Variants in KCNN2 observed in about 807,000 individuals in gnomAD.
KCNN2 encodes small conductance calcium-activated potassium channel protein 2.
Under a neutral mutation model 55.5 loss-of-function variants are expected in KCNN2, and 24 were observed. The observed-to-expected ratio is 0.43, with a 90% CI of 0.31 to 0.61. KCNN2 has a LOEUF of 0.61. Among genes scored for constraint, KCNN2 ranks in the 20% least tolerant of loss-of-function variants. The pLI, the probability that KCNN2 is intolerant of heterozygous loss-of-function variation, is 0.08. For synonymous variants in KCNN2, 431 were observed against 336.1 expected (o/e 1.28, Z -3.09); for missense variants, 754 against 853.6 (o/e 0.88, Z 1.45).
At chr5:114,340,570 CATG>C (rs1371185038) in intron 2 of KCNN2, among the ~76,000 whole-genome samples, 2 of 151,938 alleles carry the variant, frequency 1.3e-5, no homozygotes, top group Non-Finnish European at 2.9e-5. Context: ...AGGTATAGAA[CATG>C]ATATTTTGAC....
chr5:114,440,752 T>TGTAAA (rs1396393748), intron 3 of KCNN2, among the ~76,000 whole-genome samples: 2 of 152,094 alleles, frequency 1.3e-5, no homozygotes, highest in Non-Finnish European at 2.9e-5. Context: ...AAGTATAACC[T>TGTAAA]GTAAAGTAAT....
At chr5:114,290,720 A>T (rs1473998303) in intron 2 of KCNN2, among the ~76,000 whole-genome samples, 1 of 152,152 alleles carries the variant, frequency 6.6e-6, no homozygotes, top group Non-Finnish European at 1.5e-5. Context: ...AGAGGCATTT[A>T]TGAGCTATAA....
intron 1 of KCNN2, among the ~76,000 whole-genome samples, chr5:114,079,325 A>G (rs560585228): frequency 2.6e-5 from 4 of 152,326 alleles, no homozygotes; most frequent in South Asian, 4.1e-4. Context: ...CAAGCAACAA[A>G]TATAATATAG....
intron 7 of KCNN2, 58 bp from the exon 8 acceptor site, chr5:114,495,836 GT>G (rs1748088771): frequency 6.6e-7 from 1 of 1,513,656 alleles, no homozygotes; most frequent in Middle Eastern, 1.9e-4. Flanking sequence ...CCTCTGAGAG[GT>G]GGACAGTTTG....
At chr5:114,407,400 G>T (rs981585554) in intron 3 of KCNN2, among the ~76,000 whole-genome samples, 1 of 151,908 alleles carries the variant, frequency 6.6e-6, no homozygotes, top group African/African-American at 2.4e-5. Flanking sequence ...TTAATTTCCA[G>T]TGTCTAATTT....
chr5:114,180,115 T>C lies in KCNN2; in HGVS notation c.-270-41365T>C, dbSNP rs76371867. Reference sequence around the variant, plus strand: ...AAATATAACAAGACAAAACGGATTATAAGTTAAACGTTCAATAATGAGTGG... The same window carrying C: ...AAATATAACAAGACAAAACGGATTACAAGTTAAACGTTCAATAATGAGTGG... On this transcript the variant is annotated intron_variant, in intron 1 of 10. Coordinates refer to the KCNN2 transcript ENST00000512097. Among the ~76,000 whole-genome samples the C allele has an allele frequency of 7.8e-3, 1,194 of 152,356 alleles. 18 individuals carry two copies. The highest frequency in any genetic ancestry group is 0.027 in the African/African-American group (1,110 of 41,586).
chr5:114,214,308 C>T (rs1450863110), intron 1 of KCNN2, among the ~76,000 whole-genome samples: 2 of 151,832 alleles, frequency 1.3e-5, no homozygotes, highest in African/African-American at 4.8e-5. Flanking sequence ...TTTGTTTACA[C>T]AAGTAGATGA....
chr5:114,344,939 C>G (rs1757081294), intron 2 of KCNN2, among the ~76,000 whole-genome samples: 1 of 152,216 alleles, frequency 6.6e-6, no homozygotes. Flanking sequence ...TACATATGCA[C>G]TTATATTTTG....
intron 5 of KCNN2, among the ~76,000 whole-genome samples, chr5:114,477,193 CT>C (rs1207304349): frequency 6.6e-6 from 1 of 152,018 alleles, no homozygotes; most frequent in Non-Finnish European, 1.5e-5. Flanking sequence ...CACAGATGTT[CT>C]GAAATCTGAA....
rs565236462 is a variant in KCNN2 at position 114,242,187 on chromosome 5, T to C, written c.-185+20622T>C. ...TTATTATTTAGAGGGAGGTATGATC[T>C]CTGCTTTCCATGGCTGCTCTCTATG... On this transcript the variant is annotated intron_variant, in intron 2 of 10. Coordinates refer to the KCNN2 transcript ENST00000512097. Among the ~76,000 whole-genome samples the C allele has an allele frequency of 2.0e-5, 3 of 152,152 alleles. No homozygotes were observed. In the East Asian group the frequency reaches 5.8e-4, roughly 30 times the overall value.
intron 2 of KCNN2, among the ~76,000 whole-genome samples, chr5:114,224,653 T>C (rs978668385): frequency 6.6e-6 from 1 of 152,204 alleles, no homozygotes; most frequent in Non-Finnish European, 1.5e-5. Context: ...AGTCAATGAA[T>C]TCAAGGCAGG....
chr5:114,314,954 G>C (rs1756470892), intron 2 of KCNN2, among the ~76,000 whole-genome samples: 1 of 152,114 alleles, frequency 6.6e-6, no homozygotes, highest in Non-Finnish European at 1.5e-5. Context: ...ATGTCACTGA[G>C]GCTAGTTCCT....
intron 6 of KCNN2, among the ~76,000 whole-genome samples, chr5:114,488,153 A>G (rs557060008): frequency 1.3e-5 from 2 of 152,334 alleles, no homozygotes; most frequent in Admixed American, 6.5e-5. Flanking sequence ...AAACCTGTCC[A>G]TTGAACTGCC....
At chr5:114,238,455 G>T (rs369666510) in intron 2 of KCNN2, among the ~76,000 whole-genome samples, 1 of 152,000 alleles carries the variant, frequency 6.6e-6, no homozygotes, top group African/African-American at 2.4e-5. Context: ...GTGAAACCCC[G>T]TCTCTACTAA....
intron 2 of KCNN2, among the ~76,000 whole-genome samples, chr5:114,369,544 C>G (rs1012612997): frequency 1.1e-4 from 17 of 152,052 alleles, no homozygotes; most frequent in Admixed American, 9.8e-4. Context: ...AGGTAAGACT[C>G]CAAAAGATAG....
At chr5:114,420,482 T>C (rs976033123) in intron 3 of KCNN2, among the ~76,000 whole-genome samples, 2 of 152,234 alleles carry the variant, frequency 1.3e-5, no homozygotes, top group Non-Finnish European at 2.9e-5. Context: ...TTACTTAACA[T>C]GGGAGAAATT....
chr5:114,158,335 G>C (rs970240031), intron 1 of KCNN2, among the ~76,000 whole-genome samples: 1 of 152,134 alleles, frequency 6.6e-6, no homozygotes, highest in Non-Finnish European at 1.5e-5. Context: ...TTATTTCTGA[G>C]GGCTCTGTTC....
rs78452684 is a variant in KCNN2, at chr5:114,462,424, A to C, written c.1638-625A>C. The stretch of plus-strand genomic sequence containing the variant: ...TTATGGGCAGGGACTCTGTGATCAG[A>C]GGTACAGTTTCTGTGTTCAAGGATG... On this transcript the variant is annotated intron_variant, in intron 3 of 7. Transcript: ENST00000673685. Among the ~76,000 whole-genome samples, 735 of 152,264 alleles carry C rather than the reference A, an allele frequency of 4.8e-3. 7 individuals are homozygous for C. The highest frequency in any genetic ancestry group is 0.017 in the African/African-American group (698 of 41,554).
chr5:114,091,907 A>G (rs577395125), intron 1 of KCNN2, among the ~76,000 whole-genome samples: 38 of 152,260 alleles, frequency 2.5e-4, no homozygotes, highest in Admixed American at 1.1e-3. Context: ...GGGGATTATG[A>G]TTCAAGATGA....
Sources: gnomAD v4.1 joint callset for allele counts (sites outside exome capture counted in the v4.1 genomes callset) on GRCh38, gnomAD v4.1.1 for gene constraint, MANE v1.5 for transcripts, NCBI Gene and HGNC (gene_info 2026-07-23, HGNC 2026-07-21) for gene names.